The following TEP1 variants were observed in gnomAD, a reference collection of about 807,000 sequenced individuals.
The protein encoded by TEP1 is telomerase associated protein 1.
In TEP1, 241 loss-of-function variants were observed where a neutral mutation model predicts 306.3. The observed-to-expected ratio is 0.79, with a 90% confidence interval of 0.71 to 0.88. The LOEUF (loss-of-function observed/expected upper bound fraction) is 0.88, where lower values mean the gene tolerates loss of function less well. TEP1 is among the 40% of genes least tolerant of loss of function. TEP1 has a pLI of 0.00. For synonymous variants in TEP1, 1,289 were observed against 1,305.5 expected (o/e 0.99, Z 0.27); for missense variants, 3,051 against 3,276.1 (o/e 0.93, Z 1.68).
chr14:20,396,877 A>G, intron 9 of TEP1, 147 bp from the exon 10 acceptor site: 1 of 492,930 alleles, frequency 2.0e-6, no homozygotes, highest in Non-Finnish European at 3.6e-6. Flanking sequence ...CCTGGGCAAC[A>G]TAGCAAGACT....
At chr14:20,400,939 A>C (rs748722679) in intron 9 of TEP1, 45 bp downstream of exon 9, 1 of 1,598,074 alleles carries the variant, frequency 6.3e-7, no homozygotes, top group Admixed American at 1.7e-5. Context: ...TGGAGGCATA[A>C]ATGGGGAAGA....
intron 35 of TEP1, among the ~76,000 whole-genome samples, chr14:20,379,322 T>C (rs1262774422): frequency 6.6e-6 from 1 of 152,214 alleles, no homozygotes; most frequent in Non-Finnish European, 1.5e-5. Flanking sequence ...ATTCCCCAAG[T>C]TACAGAAAAT....
At chr14:20,411,872 G>A (rs977113736) in intron 1 of TEP1, among the ~76,000 whole-genome samples, 12 of 152,006 alleles carry the variant, frequency 7.9e-5, no homozygotes, top group African/African-American at 2.7e-4. Context: ...TAGCATTTTG[G>A]GAGGCTGAGG....
chr14:20,408,332 C>G lies in TEP1; in HGVS notation c.108G>C (p.Gln36His), dbSNP rs371834574. 11 of 1,612,464 alleles carry G rather than the reference C, an allele frequency of 6.8e-6. No homozygotes were observed. Among genetic ancestry groups the G allele is most frequent in the South Asian group, 2.2e-5 (2 of 91,012 alleles). ...GGATATCTGAGTGGGTAGATACATGCTGATGTAGTTTCTCCAAGGGCTGTA... is the reference window on the plus strand; with the variant it reads ...GGATATCTGAGTGGGTAGATACATGGTGATGTAGTTTCTCCAAGGGCTGTA... ...PDLQPLEKLH[Q>H]HVSTHSDILS... Residue 36 changes from glutamine (Q) to histidine (H), a missense_variant, in exon 2 of 55, where the codon CAG becomes CAC. Gln to His is a conservative substitution (Grantham distance 24). Coordinates refer to ENST00000262715, the MANE Select transcript of TEP1 (RefSeq NM_007110.5).
intron 43 of TEP1, among the ~76,000 whole-genome samples, chr14:20,375,419 G>C (rs1234216879): frequency 2.6e-5 from 4 of 152,122 alleles, no homozygotes; most frequent in African/African-American, 9.7e-5. Flanking sequence ...CTCCCAAAGT[G>C]CTGGGATTAC....
Position 20,386,470 on chromosome 14 carries a change from A to G in TEP1, c.2838T>C (p.Thr946=). The part of the protein sequence containing the change: ...LHGIDLRWGV[T]EEETRRNRQL... ...ACCTGTTCCTACGGGTCTCCTCCTC[A>G]GTGACGCCCCAGCGGAGGTCGATTC... is the stretch of plus-strand genomic sequence containing the variant. Residue 946 remains threonine (T), a synonymous_variant, in exon 19 of 55, where the codon ACT becomes ACC. Transcript: ENST00000262715. 6.2e-7 allele frequency: 1 copy of G among 1,607,756 alleles called. No individual in the cohort carries two copies. Among genetic ancestry groups the G allele is most frequent in the Non-Finnish European group, 8.5e-7 (1 of 1,176,446 alleles).
chr14:20,412,825 A>AT (rs1879780941), intron 1 of TEP1, among the ~76,000 whole-genome samples: 1 of 151,208 alleles, frequency 6.6e-6, no homozygotes, highest in Non-Finnish European at 1.5e-5. Flanking sequence ...TGCCCGGCTA[A>AT]TTTTTTTGTA....
intron 18 of TEP1, 43 bp downstream of exon 18, chr14:20,387,862 G>A (rs146208574): frequency 1.9e-6 from 3 of 1,552,910 alleles, no homozygotes; most frequent in South Asian, 1.2e-5. Context: ...AGGTTTGACT[G>A]CAGCCCCTCC....
intron 26 of TEP1, 21 bp from the exon 27 acceptor site, chr14:20,383,374 G>C: frequency 6.2e-7 from 1 of 1,601,170 alleles, no homozygotes; most frequent in Non-Finnish European, 8.5e-7. Context: ...TGGGCAAAGG[G>C]GCAGGAAGGT....
At chr14:20,410,802 GT>G (rs61662364) in intron 1 of TEP1, among the ~76,000 whole-genome samples, 1,877 of 25,160 alleles carry the variant, frequency 0.075, no homozygotes, top group Admixed American at 0.094. Context: ...CTCCTTTGTG[GT>G]TTTTTTTTTT....
At position 20,403,851 on chromosome 14, in the gene TEP1, G is replaced by A; in HGVS notation, c.1066C>T (p.Pro356Ser). Residue 356 changes from proline to serine, a missense_variant, in exon 6 of 55, where the codon CCC becomes TCC. By Grantham distance (74) the Pro-to-Ser change is moderately conservative (BLOSUM62 -1). Around this residue, in one of 3 missense-constraint regions of TEP1, gnomAD observed 1,507 missense variants for 1,550.5 expected, o/e 0.97. Transcript: ENST00000262715. ...GCAGTACGGAGACAGGCGGGCAGGG[G>A]CACCAGCTTATTCTTATCTCCCTCA... ...LAEGDKNKLV[P>S]LPACLRTAMT... is the part of the protein sequence containing the mutation. 6.2e-7 allele frequency: 1 copy of A among 1,614,110 alleles called. No homozygotes were observed.
chr14:20,405,234 G>A (rs896770662), intron 4 of TEP1, among the ~76,000 whole-genome samples: 2 of 152,130 alleles, frequency 1.3e-5, no homozygotes, highest in Non-Finnish European at 2.9e-5. Context: ...AGCTCCTTGA[G>A]AGAATGGGTA....
rs748058065 is a variant in TEP1, at chr14:20,379,073, T to G, written c.5160A>C (p.Gly1720=). The G allele has an allele frequency of 1.9e-6, 3 of 1,613,998 alleles. No homozygotes were observed. In the African/African-American group the frequency reaches 4.0e-5, roughly 22 times the overall value. ...EEKSVVSGCD[G]ISACLFLSDD... ...CGGAGAGGAACAAACAAGCAGAGAT[T>G]CCATCACAGCCACTCACCACAGACT... The change falls in exon 36 of 55, where the codon GGA becomes GGC. Residue 1720 remains glycine (G), a synonymous_variant. Coordinates refer to ENST00000262715, the MANE Select transcript of TEP1 (RefSeq NM_007110.5).
intron 3 of TEP1, 74 bp downstream of exon 3, chr14:20,406,158 AC>A (rs1222898988): frequency 6.7e-7 from 1 of 1,484,192 alleles, no homozygotes; most frequent in Non-Finnish European, 9.3e-7. Flanking sequence ...TGGGGAGGGG[AC>A]CTGGTTCAAG....
chr14:20,372,934 G>A, intron 48 of TEP1, 77 bp from the exon 49 acceptor site: 3 of 1,613,276 alleles, frequency 1.9e-6, no homozygotes. Flanking sequence ...AGGCACATAT[G>A]CAACCTCTAA....
intron 12 of TEP1, among the ~76,000 whole-genome samples, chr14:20,394,244 A>AATT (rs1399306301): frequency 6.6e-6 from 1 of 152,184 alleles, no homozygotes; most frequent in African/African-American, 2.4e-5. Context: ...ACCTGGCTAA[A>AATT]ATTAATTTAA....
chr14:20,407,745 G>C, intron 2 of TEP1, 128 bp downstream of exon 2: 1 of 837,438 alleles, frequency 1.2e-6, no homozygotes, highest in Non-Finnish European at 1.9e-6. Context: ...GGCACCTTAG[G>C]AGAGGCTCTG....
intron 17 of TEP1, 58 bp downstream of exon 17, chr14:20,389,180 A>T: frequency 6.6e-7 from 1 of 1,508,548 alleles, no homozygotes. Flanking sequence ...AGTAGAGATA[A>T]TCTCCTAAAA....
intron 1 of TEP1, among the ~76,000 whole-genome samples, chr14:20,411,918 G>A (rs1261095661): frequency 1.3e-5 from 2 of 151,774 alleles, no homozygotes; most frequent in Non-Finnish European, 2.9e-5. Flanking sequence ...TTCAAGACCA[G>A]CCTGGGCAAC....
Sources: allele counts gnomAD v4.1 joint callset (sites outside exome capture counted in the v4.1 genomes callset), GRCh38; gene constraint gnomAD v4.1.1; regional missense constraint gnomAD v4.1.1; transcripts MANE v1.5; gene names NCBI Gene and HGNC (gene_info 2026-07-23, HGNC 2026-07-21).